ATRX: variants seen among roughly 807,000 people sequenced by gnomAD.
ATRX encodes the protein chromatin remodeler ATRX.
In ATRX, 12 loss-of-function variants were observed where a neutral mutation model predicts 172.6. The ratio of observed to expected loss-of-function variants is 0.07; its 90% confidence interval spans 0.04 to 0.11. ATRX has a LOEUF of 0.11. Among genes scored for constraint, ATRX ranks in the 10% least tolerant of loss-of-function variants. The probability of loss-of-function intolerance (pLI) is 1.00; values close to 1 mark genes in which losing one functional copy is unlikely to be tolerated. For missense variants in ATRX, 1,368 were observed against 1,767.4 expected, an observed-to-expected ratio of 0.77 and a Z score of 4.05; for synonymous variants, 674 against 594.7, an observed-to-expected ratio of 1.13 and a Z score of -1.94.
chrX:77,532,513 G>A (rs1557046746), intron 30 of ATRX, among the ~76,000 whole-genome samples: 1 of 111,496 alleles, frequency 9.0e-6, no homozygotes, highest in African/African-American at 3.3e-5. Flanking sequence ...TCTGCTCTTT[G>A]ACAAACCTGA....
intron 1 of ATRX, among the ~76,000 whole-genome samples, chrX:77,784,469 G>A (rs1557206782): frequency 8.9e-6 from 1 of 112,229 alleles, no homozygotes; most frequent in Non-Finnish European, 1.9e-5. Flanking sequence ...AGTTTCAAAT[G>A]TAGACTTTGT....
intron 1 of ATRX, among the ~76,000 whole-genome samples, chrX:77,747,449 C>T (rs781944207): frequency 3.6e-5 from 4 of 110,672 alleles, no homozygotes; most frequent in East Asian, 2.9e-4. Context: ...GCTTGAACCC[C>T]GGAGAAGGGG....
chrX:77,508,706 AT>A (rs1322122259), intron 34 of ATRX, 77 bp from the exon 35 acceptor site: 14 of 1,088,455 alleles, frequency 1.3e-5, no homozygotes, highest in Non-Finnish European at 1.8e-5. Flanking sequence ...CTTAAAATCA[AT>A]TTGTTAAGGG....
At chrX:77,656,456 A>G in intron 13 of ATRX, 104 bp downstream of exon 13, 1 of 591,441 alleles carries the variant, frequency 1.7e-6, no homozygotes, top group Non-Finnish European at 2.9e-6. Flanking sequence ...AATATTATAT[A>G]TCACACTAAC....
intron 1 of ATRX, among the ~76,000 whole-genome samples, chrX:77,775,677 C>T (rs1406287528): frequency 2.7e-5 from 3 of 109,870 alleles, no homozygotes; most frequent in Non-Finnish European, 5.7e-5. Context: ...AGAGTAACAG[C>T]CTATCTCAGA....
At chrX:77,609,447 G>A (rs186190981) in intron 22 of ATRX, among the ~76,000 whole-genome samples, 63 of 111,920 alleles carry the variant, frequency 5.6e-4, no homozygotes, top group African/African-American at 1.9e-3. Context: ...GAAACAGCAC[G>A]AAAGACAAAT....
chrX:77,508,235 T>A lies in ATRX; in HGVS notation c.*116A>T, dbSNP rs2062752310. Reference sequence around the variant, plus strand: ...AAAAAGTAAAACTAATATGGAAGATTGGCATTTAAGGGGACCAAACTATTT... The same window carrying A: ...AAAAAGTAAAACTAATATGGAAGATAGGCATTTAAGGGGACCAAACTATTT... On this transcript the variant is annotated 3_prime_UTR_variant, in exon 35 of 35. Transcript: ENST00000373344. The A allele has an allele frequency of 1.1e-6, 1 of 892,445 alleles. No individual in the cohort carries two copies. Among genetic ancestry groups the A allele is most frequent in the Non-Finnish European group, 1.6e-6 (1 of 638,354 alleles). The allele number at this position is 892,445 out of a possible 1,213,427, so 73.5% of individuals were successfully genotyped here. A position where few individuals can be genotyped will look rare whatever the true frequency, so the allele number is the denominator to read the frequency against.
At chrX:77,557,292 A>G (rs1311237283) in intron 30 of ATRX, among the ~76,000 whole-genome samples, 159 bp downstream of exon 30, 2 of 111,914 alleles carry the variant, frequency 1.8e-5, no homozygotes, top group African/African-American at 3.2e-5. Context: ...CAAGCACCCT[A>G]TCATTTATAA....
intron 28 of ATRX, chrX:77,561,787 G>A (rs1308273132): frequency 9.0e-6 from 1 of 110,771 alleles, no homozygotes; most frequent in African/African-American, 3.3e-5. Context: ...CTTCACTCTC[G>A]GCTTCCAATG....
At chrX:77,640,307 C>T (rs1042866940) in intron 15 of ATRX, among the ~76,000 whole-genome samples, 15 of 110,242 alleles carry the variant, frequency 1.4e-4, no homozygotes, top group African/African-American at 5.0e-4. Context: ...ACATGTACCC[C>T]CCCACCCCGT....
At chrX:77,765,691 T>C (rs1331790500) in intron 1 of ATRX, among the ~76,000 whole-genome samples, 1 of 110,178 alleles carries the variant, frequency 9.1e-6, no homozygotes, top group Non-Finnish European at 1.9e-5. Context: ...ATTTTTTTTA[T>C]TTTTATTTTT....
intron 1 of ATRX, among the ~76,000 whole-genome samples, chrX:77,773,607 C>T (rs2076242844): frequency 9.1e-6 from 1 of 110,267 alleles, no homozygotes; most frequent in Non-Finnish European, 1.9e-5. Flanking sequence ...TAAAAATTAG[C>T]TGGGCATGGT....
chrX:77,643,238 G>A (rs782547217), intron 15 of ATRX, among the ~76,000 whole-genome samples: 103 of 110,299 alleles, frequency 9.3e-4, no homozygotes, highest in Non-Finnish European at 1.0e-3. Context: ...GCTCTGGTGA[G>A]AAGGACAACA....
At chrX:77,761,945 C>T (rs2075730042) in intron 1 of ATRX, among the ~76,000 whole-genome samples, 1 of 111,183 alleles carries the variant, frequency 9.0e-6, no homozygotes, top group Non-Finnish European at 1.9e-5. Flanking sequence ...GCCATAATGT[C>T]CTCCAGGTTC....
intron 1 of ATRX, among the ~76,000 whole-genome samples, chrX:77,761,397 C>G (rs782535860): frequency 3.0e-4 from 33 of 110,226 alleles, no homozygotes; most frequent in East Asian, 2.9e-4. Context: ...ATTAGCCAGG[C>G]ATGGTAGCAT....
At chrX:77,579,215 T>C (rs943091690) in intron 27 of ATRX, among the ~76,000 whole-genome samples, 3 of 112,478 alleles carry the variant, frequency 2.7e-5, no homozygotes, top group Non-Finnish European at 5.6e-5. Flanking sequence ...ACTAAGAGAA[T>C]TTGCCAACAT....
rs782370515 is a variant in ATRX at position 77,620,569 on chromosome X, A to G, written c.5135-37T>C. On this transcript the variant is annotated intron_variant, in intron 19 of 34. Transcript: ENST00000373344. Reference sequence around the variant, plus strand: ...AACAGAAAAATAACACAATTAATATATAATAAAACTGAAAATGTGATCCAT... The same window carrying G: ...AACAGAAAAATAACACAATTAATATGTAATAAAACTGAAAATGTGATCCAT... 4 of 1,103,885 alleles carry G rather than the reference A, an allele frequency of 3.6e-6. No individual in the cohort carries two copies. The South Asian group carries it at 7.8e-5, about 22-fold the overall frequency. The allele number at this position is 1,103,885 out of a possible 1,213,427, so 91.0% of individuals were successfully genotyped here.
At chrX:77,552,697 C>A (rs1266776366) in intron 30 of ATRX, among the ~76,000 whole-genome samples, 1 of 110,805 alleles carries the variant, frequency 9.0e-6, no homozygotes, top group East Asian at 2.8e-4. Context: ...TAAAGAGGTA[C>A]AAAGACAAGA....
intron 11 of ATRX, 71 bp downstream of exon 11, chrX:77,664,574 A>T (rs2148495271): frequency 8.6e-7 from 1 of 1,167,313 alleles, no homozygotes; most frequent in Non-Finnish European, 1.2e-6. Context: ...TCTTGGTCAG[A>T]TATTCTTCAA....
Sources: gnomAD v4.1 joint callset for allele counts (sites outside exome capture counted in the v4.1 genomes callset) on GRCh38, gnomAD v4.1.1 for gene constraint, MANE v1.5 for transcripts, NCBI Gene and HGNC (gene_info 2026-07-23, HGNC 2026-07-21) for gene names.